Variants in CSMD2 observed in about 807,000 individuals in gnomAD.
CSMD2 encodes the protein CUB and sushi domain-containing protein 2.
Under a neutral mutation model 398.5 loss-of-function variants are expected in CSMD2, and 130 were observed. The ratio of observed to expected loss-of-function variants is 0.33; its 90% CI spans 0.28 to 0.38. The LOEUF (loss-of-function observed/expected upper bound fraction) is 0.38. CSMD2 is among the 10% of genes least tolerant of loss of function. The pLI is 1.00. For synonymous variants in CSMD2, 1,828 were observed against 1,908.5 expected, an observed-to-expected ratio of 0.96 and a Z score of 1.10; for missense variants, 3,829 against 4,764.9, an observed-to-expected ratio of 0.80 and a Z score of 5.78.
intron 2 of CSMD2, 106 bp from the exon 3 acceptor site, chr1:34,032,812 C>T: frequency 4.2e-6 from 3 of 717,074 alleles, no homozygotes; most frequent in South Asian, 1.8e-5. Flanking sequence ...GATCTAGGCA[C>T]ACAGAGGGTG....
intron 1 of CSMD2, among the ~76,000 whole-genome samples, chr1:34,143,005 A>G (rs1639446392): frequency 6.6e-6 from 1 of 152,186 alleles, no homozygotes; most frequent in Non-Finnish European, 1.5e-5. Flanking sequence ...GGATGCTGTT[A>G]TGTGGTAACA....
chr1:33,760,952 T>C (rs1456074255), intron 13 of CSMD2, among the ~76,000 whole-genome samples: 1 of 151,992 alleles, frequency 6.6e-6, no homozygotes, highest in Non-Finnish European at 1.5e-5. Flanking sequence ...TGATCCTCAG[T>C]CCCTCCTCTC....
At chr1:34,109,955 C>T (rs989412545) in intron 1 of CSMD2, among the ~76,000 whole-genome samples, 5 of 135,936 alleles carry the variant, frequency 3.7e-5, no homozygotes, top group Admixed American at 1.7e-4. Flanking sequence ...GCAGGAGAAT[C>T]GGGTGAACCC....
intron 5 of CSMD2, among the ~76,000 whole-genome samples, chr1:33,901,224 T>C (rs1236790335): frequency 6.6e-6 from 1 of 152,258 alleles, no homozygotes; most frequent in Non-Finnish European, 1.5e-5. Context: ...ATCTTGACAT[T>C]GGTCCTGTTG....
intron 68 of CSMD2, 27 bp downstream of exon 68, chr1:33,521,436 C>CA: frequency 7.5e-7 from 1 of 1,339,544 alleles, no homozygotes; most frequent in Non-Finnish European, 1.1e-6. Flanking sequence ...CCCGGGCCCA[C>CA]ACTTCCGGGG....
chr1:33,923,847 T>C (rs576851285), intron 4 of CSMD2, among the ~76,000 whole-genome samples: 1 of 152,150 alleles, frequency 6.6e-6, no homozygotes, highest in Non-Finnish European at 1.5e-5. Context: ...TGCCTGATGA[T>C]CTGAGGTGGA....
At chr1:33,769,197 C>A (rs114654826) in intron 13 of CSMD2, among the ~76,000 whole-genome samples, 222 of 152,274 alleles carry the variant, frequency 1.5e-3, no homozygotes, top group African/African-American at 5.0e-3. Flanking sequence ...GCTCTCTATT[C>A]TTTTGTAAGG....
intron 36 of CSMD2, among the ~76,000 whole-genome samples, chr1:33,622,563 A>T (rs1408979801): frequency 6.6e-6 from 1 of 152,194 alleles, no homozygotes; most frequent in South Asian, 2.1e-4. Flanking sequence ...CATCTTCAGG[A>T]TAACTCTGAC....
At chr1:33,851,255 G>C (rs1638688366) in intron 5 of CSMD2, among the ~76,000 whole-genome samples, 3 of 152,124 alleles carry the variant, frequency 2.0e-5, no homozygotes, top group African/African-American at 7.2e-5. Flanking sequence ...ACACGATTCA[G>C]CTGCAATGCC....
chr1:34,123,027 T>C (rs1432236528), intron 1 of CSMD2, among the ~76,000 whole-genome samples: 2 of 152,178 alleles, frequency 1.3e-5, no homozygotes, highest in African/African-American at 4.8e-5. Context: ...AGCCTGAGGT[T>C]AAGTGGTGCT....
At chr1:34,076,394 T>C (rs1656334638) in intron 2 of CSMD2, among the ~76,000 whole-genome samples, 1 of 152,266 alleles carries the variant, frequency 6.6e-6, no homozygotes, top group South Asian at 2.1e-4. Context: ...TCAGCTTTAC[T>C]GGCATTTGGG....
chr1:33,569,291 A>T, intron 52 of CSMD2, 83 bp downstream of exon 52: 1 of 1,404,688 alleles, frequency 7.1e-7, no homozygotes, highest in Non-Finnish European at 9.7e-7. Context: ...GATACTGTTT[A>T]AAGACTGGAT....
At position 33,758,288 on chromosome 1, in the gene CSMD2, A is replaced by G. The variant is rs547010629; in HGVS notation, c.1846+14281T>C. On this transcript the variant is annotated intron_variant, in intron 13 of 70. Coordinates refer to ENST00000373381, the MANE Select transcript of CSMD2 (RefSeq NM_001281956.2). ...ACTTACCCTTCCTAGCTGCAGTGAT[A>G]GAGTCTGTATGACAGGCTCATTGCA... 6.6e-5 allele frequency among the ~76,000 whole-genome samples: 10 copies of G among 152,304 alleles called. No homozygotes were observed. The South Asian group carries it at 1.9e-3, about 28-fold the overall frequency.
chr1:33,774,945 T>C (rs1651777437), intron 12 of CSMD2, among the ~76,000 whole-genome samples: 2 of 152,192 alleles, frequency 1.3e-5, no homozygotes, highest in African/African-American at 4.8e-5. Flanking sequence ...GACATCTGGA[T>C]ATGGTCTCTG....
At position 33,633,568 on chromosome 1, in the gene CSMD2, G is replaced by A. The variant is rs1642602623; in HGVS notation, c.5087-33C>T. ...GGAGACACAGTGTGGGGACTGGGCA[G>A]GCACGCTGGGGGCAGGAGAGGGGAT... On this transcript the variant is annotated intron_variant, in intron 31 of 70. Coordinates refer to ENST00000373381, the MANE Select transcript of CSMD2 (RefSeq NM_001281956.2). The surrounding 1 kb of genome is among the most constrained non-coding windows in gnomAD (Gnocchi z 5.0). 6.8e-7 allele frequency: 1 copy of A among 1,480,856 alleles called. No homozygotes were observed. The highest frequency in any genetic ancestry group is 9.2e-7 in the Non-Finnish European group (1 of 1,082,676). The allele number at this position is 1,480,856 out of a possible 1,614,324, so 91.7% of individuals were successfully genotyped here. A position where few individuals can be genotyped will look rare whatever the true frequency, so the allele number is the denominator to read the frequency against.
chr1:33,692,495 C>G (rs1645272619), intron 25 of CSMD2, among the ~76,000 whole-genome samples: 1 of 152,224 alleles, frequency 6.6e-6, no homozygotes, highest in Non-Finnish European at 1.5e-5. Context: ...AAATATTTCA[C>G]TATGTTCCAA....
At chr1:33,598,907 G>GCGAT (rs1405296541) in intron 44 of CSMD2, 1 of 152,252 alleles carries the variant, frequency 6.6e-6, no homozygotes, top group African/African-American at 2.4e-5. Flanking sequence ...CTCACCTCAG[G>GCGAT]CGATCCGCCC....
chr1:34,067,005 T>C (rs1257671264), intron 2 of CSMD2, among the ~76,000 whole-genome samples: 1 of 152,084 alleles, frequency 6.6e-6, no homozygotes, highest in South Asian at 2.1e-4. Context: ...CGCAGATTCA[T>C]GGAGAAAGTT....
At chr1:33,878,534 C>G (rs959338194) in intron 5 of CSMD2, among the ~76,000 whole-genome samples, 1 of 152,270 alleles carries the variant, frequency 6.6e-6, no homozygotes, top group Non-Finnish European at 1.5e-5. Context: ...GCACAGCCAT[C>G]TGCTCCCCGC....
Sources: gnomAD v4.1 joint callset for allele counts (sites outside exome capture counted in the v4.1 genomes callset) on GRCh38, gnomAD v4.1.1 for gene constraint, Gnocchi (gnomAD v3.1) non-coding constraint, MANE v1.5 for transcripts, NCBI Gene and HGNC (gene_info 2026-07-23, HGNC 2026-07-21) for gene names.